Variants in JAK1 observed in about 807,000 individuals in gnomAD.
JAK1 encodes Janus kinase 1.
Under a neutral mutation model 136.6 loss-of-function variants are expected in JAK1, and 16 were observed. The ratio of observed to expected loss-of-function variants is 0.12; its 90% confidence interval spans 0.08 to 0.18. The LOEUF is 0.18. JAK1 is among the 10% of genes least tolerant of loss of function. The pLI, the probability that JAK1 is intolerant of heterozygous loss-of-function variation, is 1.00. For missense variants in JAK1, 859 were observed against 1,450.1 expected (o/e 0.59, Z 6.62); for synonymous variants, 492 against 519.5 (o/e 0.95, Z 0.72).
intron 1 of JAK1, among the ~76,000 whole-genome samples, chr1:65,063,368 C>T (rs1647893249): frequency 6.6e-6 from 1 of 152,180 alleles, no homozygotes; most frequent in South Asian, 2.1e-4. Flanking sequence ...CGTTCTAGAA[C>T]CCTGGACTTT....
At chr1:65,040,283 C>T (rs1377889167) in intron 2 of JAK1, among the ~76,000 whole-genome samples, 3 of 151,880 alleles carry the variant, frequency 2.0e-5, no homozygotes. Flanking sequence ...AGCACAGATG[C>T]TTTCCTTCTG....
intron 3 of JAK1, among the ~76,000 whole-genome samples, chr1:64,880,514 G>A (rs1181078821): frequency 6.6e-6 from 1 of 152,136 alleles, no homozygotes; most frequent in Non-Finnish European, 1.5e-5. Context: ...CCATGGAACT[G>A]TCTGTAATTC....
At chr1:65,045,174 A>G (rs1647173209) in intron 1 of JAK1, among the ~76,000 whole-genome samples, 1 of 152,236 alleles carries the variant, frequency 6.6e-6, no homozygotes, top group Admixed American at 6.5e-5. Flanking sequence ...CTGGGGAGGA[A>G]GAAGGCATGA....
chr1:64,946,378 T>G (rs1017922740), intron 1 of JAK1, among the ~76,000 whole-genome samples: 1 of 152,202 alleles, frequency 6.6e-6, no homozygotes, highest in Admixed American at 6.5e-5. Context: ...AAGTAAATGG[T>G]GGCTGGCAAG....
intron 1 of JAK1, among the ~76,000 whole-genome samples, chr1:64,913,992 G>A (rs552041005): frequency 6.6e-6 from 1 of 152,176 alleles, no homozygotes; most frequent in Non-Finnish European, 1.5e-5. Flanking sequence ...GGCCAGACAT[G>A]GGGCTACAGC....
intron 19 of JAK1, 38 bp downstream of exon 19, chr1:64,841,207 C>T (rs1393608428): frequency 1.4e-6 from 2 of 1,434,880 alleles, no homozygotes; most frequent in Non-Finnish European, 2.0e-6. Context: ...TGGCGGAGGG[C>T]TCTGCCATCA....
intron 2 of JAK1, chr1:64,985,360 T>C (rs1486685641): frequency 6.2e-7 from 1 of 1,611,142 alleles, no homozygotes; most frequent in Non-Finnish European, 8.5e-7. Flanking sequence ...ATCCTTGCAC[T>C]CTCATCTTTC....
At chr1:64,935,246 C>T (rs1032026830) in intron 1 of JAK1, among the ~76,000 whole-genome samples, 5 of 152,208 alleles carry the variant, frequency 3.3e-5, no homozygotes, top group Admixed American at 1.3e-4. Flanking sequence ...ATATTTCTGA[C>T]CCTTTCCCTC....
intron 2 of JAK1, chr1:64,985,924 A>G (rs1254861640): frequency 1.2e-6 from 1 of 830,744 alleles, no homozygotes; most frequent in South Asian, 1.4e-5. Context: ...GACAAGCACA[A>G]CATCTCAGAG....
chr1:65,017,425 G>A (rs772373073), intron 2 of JAK1, among the ~76,000 whole-genome samples: 3 of 152,026 alleles, frequency 2.0e-5, no homozygotes, highest in Admixed American at 6.6e-5. Context: ...CTGAAATTGC[G>A]CCACTGCACT....
At chr1:64,884,652 C>T (rs1248264737) in intron 2 of JAK1, among the ~76,000 whole-genome samples, 2 of 152,318 alleles carry the variant, frequency 1.3e-5, no homozygotes, top group African/African-American at 4.8e-5. Flanking sequence ...CTCCTGCCTT[C>T]ACTCACACTG....
intron 2 of JAK1, among the ~76,000 whole-genome samples, chr1:65,008,906 C>T (rs559803250): frequency 5.7e-4 from 87 of 152,088 alleles, no homozygotes; most frequent in Non-Finnish European, 1.1e-3. Context: ...CCAGGCCGGT[C>T]TCAAACTCCT....
chr1:64,887,503 C>G (rs562922601), intron 1 of JAK1, among the ~76,000 whole-genome samples: 6 of 152,114 alleles, frequency 3.9e-5, no homozygotes, highest in Non-Finnish European at 8.8e-5. Context: ...ACTCTTTCAA[C>G]AAGTATTTTC....
At chr1:65,031,645 G>A (rs1647024467) in intron 2 of JAK1, among the ~76,000 whole-genome samples, 1 of 152,070 alleles carries the variant, frequency 6.6e-6, no homozygotes, top group Non-Finnish European at 1.5e-5. Context: ...TAAATTTCTT[G>A]TTTTAATCAT....
intron 2 of JAK1, among the ~76,000 whole-genome samples, chr1:65,001,717 G>A (rs1241559822): frequency 6.6e-6 from 1 of 151,354 alleles, no homozygotes; most frequent in Non-Finnish European, 1.5e-5. Flanking sequence ...CAGCAAGTGT[G>A]TGTGCGTGTG....
At chr1:65,047,392 G>A (rs369107185) in intron 1 of JAK1, among the ~76,000 whole-genome samples, 1 of 151,886 alleles carries the variant, frequency 6.6e-6, no homozygotes, top group South Asian at 2.1e-4. Flanking sequence ...TTTGAACCTG[G>A]TCCTACTTGG....
intron 1 of JAK1, among the ~76,000 whole-genome samples, chr1:64,894,006 A>G (rs915285110): frequency 3.9e-5 from 6 of 152,234 alleles, no homozygotes; most frequent in African/African-American, 1.4e-4. Flanking sequence ...CACAAATCTA[A>G]CATGCTTCCT....
chr1:64,893,170 A>G (rs750817722), intron 1 of JAK1, among the ~76,000 whole-genome samples: 5 of 152,102 alleles, frequency 3.3e-5, no homozygotes, highest in Admixed American at 6.6e-5. Flanking sequence ...GGCCAGGAAG[A>G]AGGAAAATCA....
intron 2 of JAK1, 97 bp downstream of exon 2, chr1:64,886,162 A>G (rs1644849142): frequency 1.3e-6 from 1 of 746,132 alleles, no homozygotes; most frequent in Non-Finnish European, 2.3e-6. Context: ...AATTAAAGGC[A>G]ATAGCACCAA....
Sources: gnomAD v4.1 joint callset for allele counts (sites outside exome capture counted in the v4.1 genomes callset) on GRCh38, gnomAD v4.1.1 for gene constraint, MANE v1.5 for transcripts, NCBI Gene and HGNC (gene_info 2026-07-23, HGNC 2026-07-21) for gene names.